Variants in NEB observed in about 807,000 individuals in gnomAD.
The protein encoded by NEB is nemaline myopathy type 2.
Under a neutral mutation model 952.2 loss-of-function variants are expected in NEB, and 512 were observed. The ratio of observed to expected loss-of-function variants is 0.54; its 90% confidence interval spans 0.50 to 0.58. NEB has a LOEUF of 0.58. Among genes scored for constraint, NEB ranks in the 20% least tolerant of loss-of-function variants. The probability of loss-of-function intolerance (pLI) is 0.00; values close to 1 mark genes in which losing one functional copy is unlikely to be tolerated. For synonymous variants in NEB, 2,900 were observed against 3,149.8 expected (o/e 0.92, Z 2.66); for missense variants, 8,428 against 9,231.1 (o/e 0.91, Z 3.56).
At chr2:151,734,365 A>G (rs1192057651) in intron 1 of NEB, 33 bp downstream of exon 1, 1 of 152,148 alleles carries the variant, frequency 6.6e-6, no homozygotes, top group Admixed American at 6.6e-5. Flanking sequence ...CTCCTGAAAG[A>G]GTATTACAGA....
intron 8 of NEB, among the ~76,000 whole-genome samples, chr2:151,723,750 G>GTTTTTTTTTTTTTTTTTTTTTTTTTTTTT (rs11308757): frequency 2.1e-4 from 11 of 51,376 alleles, no homozygotes; most frequent in Admixed American, 1.0e-3. Context: ...TGCCTTCTTT[G>GTTTTTTTTTTTTTTTTTTTTTTTTTTTTT]TTTTTTTTTT....
chr2:151,627,443 T>C lies in NEB; in HGVS notation c.10143+80A>G, dbSNP rs141089924. On this transcript the variant is annotated intron_variant, in intron 69 of 181. Coordinates refer to ENST00000397345, the MANE Select transcript of NEB (RefSeq NM_001164508.2). The stretch of plus-strand genomic sequence containing the variant: ...GAAATGTCATCCCTTCTGAAGGTTC[T>C]ACCTAATGCTAGACCACTGTCTCAG... The C allele has an allele frequency of 4.5e-6, 7 of 1,549,782 alleles. 1 individual carries two copies. In the African/African-American group the frequency reaches 6.8e-5, roughly 15 times the overall value.
At chr2:151,658,972 C>G in intron 47 of NEB, 93 bp downstream of exon 47, 1 of 959,418 alleles carries the variant, frequency 1.0e-6, no homozygotes, top group Non-Finnish European at 1.7e-6. Context: ...TTAAAACATT[C>G]ACTCTCATAA....
chr2:151,540,523 T>C (rs900818329), intron 137 of NEB, 75 bp from the exon 138 acceptor site: 49 of 1,214,058 alleles, frequency 4.0e-5, no homozygotes, highest in Non-Finnish European at 5.8e-5. Flanking sequence ...CTACAGGTCT[T>C]GTGGAGGGGC....
At chr2:151,517,293 G>A (rs896532313) in intron 156 of NEB, among the ~76,000 whole-genome samples, 65 of 152,172 alleles carry the variant, frequency 4.3e-4, no homozygotes, top group African/African-American at 1.4e-3. Context: ...CCTCATGCAC[G>A]CAGCACCTTG....
chr2:151,643,752 T>C (rs1023062669), intron 57 of NEB, 66 bp downstream of exon 57: 9 of 1,574,540 alleles, frequency 5.7e-6, no homozygotes, highest in South Asian at 1.2e-5. Context: ...CTGCTCACTA[T>C]GGGACTCTGA....
At chr2:151,640,713 A>G in intron 60 of NEB, 47 bp from the exon 61 acceptor site, 1 of 1,555,098 alleles carries the variant, frequency 6.4e-7, no homozygotes, top group Non-Finnish European at 8.7e-7. Flanking sequence ...ACTTTTAGTA[A>G]AAAGCAATCA....
At chr2:151,651,516 T>C (rs1415067432) in intron 52 of NEB, among the ~76,000 whole-genome samples, 1 of 152,218 alleles carries the variant, frequency 6.6e-6, no homozygotes, top group Non-Finnish European at 1.5e-5. Context: ...ATCTATATCT[T>C]GCATGTGCAG....
At chr2:151,570,049 A>G in intron 109 of NEB, 32 bp downstream of exon 109, 1 of 1,572,646 alleles carries the variant, frequency 6.4e-7, no homozygotes, top group South Asian at 1.2e-5. Context: ...CAAACTGAGA[A>G]AAGAGTTCAA....
At chr2:151,640,238 G>A (rs1312593887) in intron 61 of NEB, 117 bp downstream of exon 61, 2 of 1,498,340 alleles carry the variant, frequency 1.3e-6, no homozygotes, top group Non-Finnish European at 1.8e-6. Context: ...GTCGATAAAG[G>A]CAATGCTATT....
In NEB at chr2:151,633,716, T is replaced by A. The variant is rs543100735; in HGVS notation, c.9352A>T (p.Thr3118Ser). 232 of 1,614,002 alleles carry A rather than the reference T, an allele frequency of 1.4e-4. No homozygotes were observed. The highest frequency in any genetic ancestry group is 1.8e-4 in the Non-Finnish European group (217 of 1,179,896). Residue 3118 changes from threonine (T) to serine (S), a missense_variant, in exon 65 of 182, where the codon ACA becomes TCA. This residue lies in a region of NEB where 1,772 missense variants were observed against 1,960.3 expected (regional missense o/e 0.90). Coordinates refer to ENST00000397345, the MANE Select transcript of NEB (RefSeq NM_001164508.2). ...VDYKNYLHEW[T>S]CLPDQSDVIH... ...ACATCGCTCTGGTCAGGCAGGCATG[T>A]CCACTCGTGCAGGTAGTTCTTATAG...
At position 151,625,657 on chromosome 2, in the gene NEB, T is replaced by C; in HGVS notation, c.10348-19A>G. ...ATAAGCGCTGTGAAGGATAAAAAGG[T>C]TAATGAATTAGAAAAACAGTTTGTT... On this transcript the variant is annotated intron_variant, in intron 70 of 181. Transcript: ENST00000397345. 1 of 1,513,218 alleles carries C rather than the reference T, an allele frequency of 6.6e-7. No individual in the cohort carries two copies. The highest frequency in any genetic ancestry group is 9.0e-7 in the Non-Finnish European group (1 of 1,114,094). 93.7% of individuals were successfully genotyped at this position (1,513,218 alleles called of 1,614,324 possible). A position where few individuals can be genotyped will look rare whatever the true frequency, so the allele number is the denominator to read the frequency against.
chr2:151,575,784 C>A lies in NEB; in HGVS notation c.16924G>T (p.Val5642Phe). The A allele has an allele frequency of 6.2e-7, 1 of 1,602,598 alleles. No homozygotes were observed. Among genetic ancestry groups the A allele is most frequent in the Non-Finnish European group, 8.6e-7 (1 of 1,169,472 alleles). The change falls in exon 107 of 182, where the codon GTT becomes TTT. Residue 5642 changes from valine (V) to phenylalanine (F), a missense_variant. Around this residue, in one of 11 missense-constraint regions of NEB, gnomAD observed 3,374 missense variants for 3,651.5 expected, o/e 0.92. Coordinates refer to ENST00000397345, the MANE Select transcript of NEB (RefSeq NM_001164508.2). ...ATTGAAGTTTTATCCTTGTCCCAAA[C>A]CTCTCTGTACTTTGGCTGTGGAAAG... is the stretch of plus-strand genomic sequence containing the variant. ...ENISIPKYRE[V>F]WDKDKTSIHI... is the part of the protein sequence containing the mutation.
At position 151,490,013 on chromosome 2, in the gene NEB, C is replaced by G. The variant is rs1027833218; in HGVS notation, c.25362G>C (p.Gln8454His). The G allele has an allele frequency of 3.1e-6, 5 of 1,613,322 alleles. No individual in the cohort carries two copies. The highest frequency in any genetic ancestry group is 4.2e-6 in the Non-Finnish European group (5 of 1,179,366). ...GAGATGGGATGGAAGATACCGTTGT[C>G]TGTTGGGTAGCAACTGAAGATGATC... ...QQRSSSVATQ[Q>H]TTVSSIPSHP... Residue 8454 changes from glutamine (Q) to histidine (H), a missense_variant, in exon 181 of 182, where the codon CAG becomes CAC. Gln to His is a conservative substitution (Grantham distance 24). Coordinates refer to ENST00000397345, the MANE Select transcript of NEB (RefSeq NM_001164508.2).
rs763546421 is a variant in NEB, at chr2:151,678,179, G to A, written c.3264C>T (p.Tyr1088=). 2 of 1,594,204 alleles carry A rather than the reference G, an allele frequency of 1.3e-6. No individual in the cohort carries two copies. Among genetic ancestry groups the A allele is most frequent in the East Asian group, 2.2e-5 (1 of 44,674 alleles). ...CTTTAGCCTTTTCATAGTCTTTTTTGTACTGAACCTATTGTAAACAAAGGT... is the reference window on the plus strand; with the variant it reads ...CTTTAGCCTTTTCATAGTCTTTTTTATACTGAACCTATTGTAAACAAAGGT... The part of the protein sequence containing the change: ...AARQAASDVQ[Y]KKDYEKAKGK... The change falls in exon 33 of 182, where the codon TAC becomes TAT. Residue 1088 remains tyrosine (Y), a synonymous_variant. Transcript: ENST00000397345.
intron 4 of NEB, 91 bp from the exon 5 acceptor site, chr2:151,727,997 A>G (rs2099796144): frequency 1.0e-6 from 1 of 985,178 alleles, no homozygotes; most frequent in Non-Finnish European, 1.5e-6. Context: ...TTCAAGTCAG[A>G]TATACATTCC....
intron 129 of NEB, among the ~76,000 whole-genome samples, chr2:151,551,236 T>G (rs2095316834): frequency 6.6e-6 from 1 of 152,184 alleles, no homozygotes; most frequent in Admixed American, 6.5e-5. Flanking sequence ...CCCAAATTGC[T>G]GGGATTACAG....
At chr2:151,722,765 T>A (rs2099778440) in intron 9 of NEB, among the ~76,000 whole-genome samples, 1 of 152,146 alleles carries the variant, frequency 6.6e-6, no homozygotes, top group Non-Finnish European at 1.5e-5. Flanking sequence ...CCCAGGCTGA[T>A]CTCAGACTCC....
At chr2:151,579,075 C>A (rs2097023676) in intron 105 of NEB, among the ~76,000 whole-genome samples, 2 of 99,252 alleles carry the variant, frequency 2.0e-5, no homozygotes, top group East Asian at 3.1e-4. Context: ...AGCAAGACTC[C>A]ATCTCAAAAA....
Sources: allele counts gnomAD v4.1 joint callset (sites outside exome capture counted in the v4.1 genomes callset), GRCh38; gene constraint gnomAD v4.1.1; regional missense constraint gnomAD v4.1.1; transcripts MANE v1.5; gene names NCBI Gene and HGNC (gene_info 2026-07-23, HGNC 2026-07-21).